Variants in GRM7 observed in about 807,000 individuals in gnomAD.
GRM7 encodes glutamate metabotropic receptor 7.
A neutral mutation model predicts 84.5 loss-of-function variants in GRM7; 35 were observed. The ratio of observed to expected loss-of-function variants is 0.41; its 90% CI spans 0.32 to 0.55. GRM7 has a LOEUF of 0.55. Among genes scored for constraint, GRM7 ranks in the 20% least tolerant of loss-of-function variants. The pLI is 0.19. For missense variants in GRM7, 1,003 were observed against 1,194.6 expected, an observed-to-expected ratio of 0.84 and a Z score of 2.36; for synonymous variants, 487 against 455.1, an observed-to-expected ratio of 1.07 and a Z score of -0.89.
chr3:7,411,869 T>C (rs748982551), intron 4 of GRM7, among the ~76,000 whole-genome samples: 1 of 152,144 alleles, frequency 6.6e-6, no homozygotes, highest in Admixed American at 6.5e-5. Context: ...TAGTAGATAA[T>C]GCTGGCCTAT....
At chr3:7,099,301 T>A (rs568305073) in intron 1 of GRM7, among the ~76,000 whole-genome samples, 46 of 146,160 alleles carry the variant, frequency 3.1e-4, no homozygotes, top group Admixed American at 9.0e-4. Context: ...TGTATATATG[T>A]ACACATGTAT....
intron 4 of GRM7, among the ~76,000 whole-genome samples, chr3:7,340,266 A>G (rs747099049): frequency 1.1e-4 from 16 of 152,140 alleles, no homozygotes; most frequent in Non-Finnish European, 1.6e-4. Context: ...TCACACTGCT[A>G]TTAAGAACTG....
At chr3:6,875,548 C>T (rs745503783) in intron 1 of GRM7, among the ~76,000 whole-genome samples, 2 of 152,120 alleles carry the variant, frequency 1.3e-5, no homozygotes, top group Non-Finnish European at 2.9e-5. Flanking sequence ...GCCTCCCCAG[C>T]CGTGTGGAAC....
intron 1 of GRM7, among the ~76,000 whole-genome samples, chr3:6,954,533 C>A (rs1575062887): frequency 6.6e-6 from 1 of 152,084 alleles, no homozygotes; most frequent in East Asian, 1.9e-4. Context: ...TTTTCACCAC[C>A]CAGAAAGAGG....
chr3:7,290,277 C>G (rs1023141731), intron 2 of GRM7, among the ~76,000 whole-genome samples: 6 of 152,156 alleles, frequency 3.9e-5, no homozygotes, highest in Non-Finnish European at 8.8e-5. Context: ...ATCATTTCCC[C>G]TTTCTGGAAC....
intron 1 of GRM7, among the ~76,000 whole-genome samples, chr3:6,908,417 C>T (rs1297306711): frequency 6.6e-6 from 1 of 152,198 alleles, no homozygotes. Flanking sequence ...TTTAATTCTC[C>T]GGCAATCCTG....
intron 7 of GRM7, among the ~76,000 whole-genome samples, chr3:7,485,522 G>A (rs749538543): frequency 2.0e-5 from 3 of 152,140 alleles, no homozygotes; most frequent in Non-Finnish European, 4.4e-5. Flanking sequence ...TGTCATTCAC[G>A]TTATACATAC....
intron 4 of GRM7, among the ~76,000 whole-genome samples, chr3:7,342,785 A>G (rs1692700786): frequency 1.3e-5 from 2 of 152,086 alleles, no homozygotes; most frequent in Admixed American, 6.6e-5. Context: ...TTTAATTAGT[A>G]CCATTGTGGT....
intron 1 of GRM7, among the ~76,000 whole-genome samples, chr3:7,088,363 C>T (rs963577641): frequency 1.3e-5 from 2 of 152,046 alleles, no homozygotes; most frequent in African/African-American, 2.4e-5. Context: ...GAGAATCTTC[C>T]AATCAAAACA....
intron 7 of GRM7, among the ~76,000 whole-genome samples, chr3:7,534,395 AC>A (rs1262282421): frequency 2.0e-5 from 3 of 152,218 alleles, no homozygotes; most frequent in African/African-American, 7.2e-5. Context: ...GCCTAATTCT[AC>A]ACATGAGAAA....
chr3:6,889,130 G>T (rs1306693356), intron 1 of GRM7, among the ~76,000 whole-genome samples: 1 of 151,996 alleles, frequency 6.6e-6, no homozygotes, highest in South Asian at 2.1e-4. Flanking sequence ...GGAGATTTTG[G>T]GCTGAGACAA....
intron 5 of GRM7, among the ~76,000 whole-genome samples, chr3:7,442,957 C>T (rs966481294): frequency 6.6e-6 from 1 of 151,830 alleles, no homozygotes; most frequent in Admixed American, 6.6e-5. Flanking sequence ...CCTCTCTTGC[C>T]TCCCCCCCAT....
intron 7 of GRM7, 107 bp from the exon 8 acceptor site, chr3:7,578,315 C>T: frequency 1.4e-6 from 1 of 705,870 alleles, no homozygotes; most frequent in Non-Finnish European, 2.4e-6. Flanking sequence ...ACTATTCAAC[C>T]TCATGCCTCA....
intron 1 of GRM7, among the ~76,000 whole-genome samples, chr3:6,917,351 C>A (rs1464231965): frequency 1.6e-5 from 2 of 125,878 alleles, no homozygotes; most frequent in African/African-American, 3.9e-5. Flanking sequence ...AGTGATAAAA[C>A]TTTTCATATA....
chr3:7,506,040 A>G (rs1700030409), intron 7 of GRM7, among the ~76,000 whole-genome samples: 1 of 152,158 alleles, frequency 6.6e-6, no homozygotes, highest in Non-Finnish European at 1.5e-5. Flanking sequence ...TCTTTCTTCT[A>G]TATTTTACTG....
In GRM7 at chr3:6,885,282, G is replaced by A. The variant is rs554093387; in HGVS notation, c.519+23375G>A. ...AGAGCAGGGCTACCCCCTAGGCAGCGTGCCCAGCTTAGGTAGCTTAGAGGG... is the reference window on the plus strand; with the variant it reads ...AGAGCAGGGCTACCCCCTAGGCAGCATGCCCAGCTTAGGTAGCTTAGAGGG... On this transcript the variant is annotated intron_variant, in intron 1 of 9. Coordinates refer to ENST00000357716, the MANE Select transcript of GRM7 (RefSeq NM_000844.4). Among the ~76,000 whole-genome samples, 7 of 152,306 alleles carry A rather than the reference G, an allele frequency of 4.6e-5. No homozygotes were observed. In the East Asian group the frequency reaches 1.4e-3, roughly 29 times the overall value.
intron 2 of GRM7, among the ~76,000 whole-genome samples, chr3:7,163,111 T>C (rs1350778657): frequency 6.6e-6 from 1 of 152,082 alleles, no homozygotes; most frequent in Non-Finnish European, 1.5e-5. Flanking sequence ...ATCTTCCTCC[T>C]CCTCCAGTCT....
In GRM7 at chr3:7,146,530, C is replaced by G. The variant is rs1284848935; in HGVS notation, c.598C>G (p.Pro200Ala). 6.2e-7 allele frequency: 1 copy of G among 1,613,862 alleles called. No individual in the cohort carries two copies. The highest frequency in any genetic ancestry group is 8.5e-7 in the Non-Finnish European group (1 of 1,179,940). Residue 200 changes from proline (P) to alanine (A), a missense_variant, in exon 2 of 10, where the codon CCA becomes GCA. Around this residue, in one of 2 missense-constraint regions of GRM7, gnomAD observed 910 missense variants for 1,126.0 expected, o/e 0.81. Transcript: ENST00000357716. ...CTATGACTTCTTCTCTCGCGTGGTG[C>G]CACCCGATTCCTTCCAAGCCCAGGC... ...RRYDFFSRVV[P>A]PDSFQAQAMV...
chr3:7,691,308 G>A, intron 9 of GRM7: 1 of 1,250,524 alleles, frequency 8.0e-7, no homozygotes, highest in South Asian at 1.3e-5. Flanking sequence ...AACATGACAT[G>A]GATCAGCAAC....
Sources: allele counts gnomAD v4.1 joint callset (sites outside exome capture counted in the v4.1 genomes callset), GRCh38; gene constraint gnomAD v4.1.1; regional missense constraint gnomAD v4.1.1; transcripts MANE v1.5; gene names NCBI Gene and HGNC (gene_info 2026-07-23, HGNC 2026-07-21).